NEBL: variants seen among roughly 807,000 people sequenced by gnomAD.
NEBL encodes the protein nebulette, also known as LIM and SH3 protein 2.
NEBL carries 122 observed loss-of-function variants against 140.2 expected under a neutral mutation model. The ratio of observed to expected loss-of-function variants is 0.87; its 90% CI spans 0.75 to 1.01. The LOEUF is 1.01. NEBL is among the 50% of genes least tolerant of loss of function. The probability of loss-of-function intolerance (pLI) is 0.00; values close to 1 mark genes in which losing one functional copy is unlikely to be tolerated. For missense variants in NEBL, 1,365 were observed against 1,231.3 expected, an observed-to-expected ratio of 1.11 and a Z score of -1.62; for synonymous variants, 436 against 398.9, an observed-to-expected ratio of 1.09 and a Z score of -1.11.
chr10:21,225,074 T>C (rs1842125640), intron 3 of NEBL, among the ~76,000 whole-genome samples: 1 of 152,202 alleles, frequency 6.6e-6, no homozygotes, highest in Admixed American at 6.5e-5. Context: ...ATCCTTGTCA[T>C]GTTCCAGATC....
intron 20 of NEBL, chr10:20,818,997 T>C (rs955767940): frequency 1.0e-6 from 1 of 978,198 alleles, no homozygotes; most frequent in Non-Finnish European, 1.2e-6. Flanking sequence ...ATGCTGCATG[T>C]ACATATTCAC....
At chr10:20,872,664 G>T (rs930761279) in intron 5 of NEBL, among the ~76,000 whole-genome samples, 4 of 152,120 alleles carry the variant, frequency 2.6e-5, no homozygotes, top group Non-Finnish European at 5.9e-5. Context: ...GTTGGCAAAA[G>T]ATACATGTCA....
At chr10:21,056,372 C>T (rs940218715) in intron 2 of NEBL, among the ~76,000 whole-genome samples, 1 of 151,684 alleles carries the variant, frequency 6.6e-6, no homozygotes, top group Admixed American at 6.6e-5. Flanking sequence ...TCAGGAGTTA[C>T]TAAATTTGCG....
chr10:20,984,231 G>A (rs957418414), intron 3 of NEBL, among the ~76,000 whole-genome samples: 5 of 151,842 alleles, frequency 3.3e-5, no homozygotes, highest in South Asian at 4.2e-4. Flanking sequence ...ATGCTACATT[G>A]ATTTCCACCA....
intron 3 of NEBL, among the ~76,000 whole-genome samples, chr10:20,981,929 A>G (rs1048883638): frequency 3.9e-5 from 6 of 152,178 alleles, no homozygotes; most frequent in African/African-American, 1.4e-4. Context: ...GCCAATGACA[A>G]TTGGAGTTGA....
At chr10:21,224,636 T>C (rs1443852577) in intron 3 of NEBL, among the ~76,000 whole-genome samples, 1 of 152,228 alleles carries the variant, frequency 6.6e-6, no homozygotes, top group Non-Finnish European at 1.5e-5. Context: ...AATCCATGAA[T>C]ATGGAATATC....
chr10:20,922,701 C>G (rs1833653285), intron 4 of NEBL, among the ~76,000 whole-genome samples: 1 of 152,194 alleles, frequency 6.6e-6, no homozygotes, highest in South Asian at 2.1e-4. Context: ...GAATGCAGCC[C>G]AGCATGGGTG....
chr10:21,099,158 G>C (rs921999651), intron 2 of NEBL, among the ~76,000 whole-genome samples: 1 of 152,134 alleles, frequency 6.6e-6, no homozygotes, highest in African/African-American at 2.4e-5. Context: ...AATCAAAACA[G>C]AGTGAAGCAT....
rs41277376 is a variant in NEBL, at chr10:20,889,960, G to T, written c.154-11C>A. ...TTCTTTATAACGGATCTAAAAAAGA[G>T]AATGATTTACATAAGAAGAGAAAAA... On this transcript the variant is annotated splice_polypyrimidine_tract_variant and intron_variant, in intron 2 of 27. Coordinates refer to ENST00000377122, the MANE Select transcript of NEBL (RefSeq NM_006393.3). 7,942 of 1,516,648 alleles carry T rather than the reference G, an allele frequency of 5.2e-3. 32 individuals are homozygous for T. The highest frequency in any genetic ancestry group is 6.7e-3 in the Non-Finnish European group (7,322 of 1,095,276). The allele number at this position is 1,516,648 out of a possible 1,614,324, so 93.9% of individuals were successfully genotyped here. A position where few individuals can be genotyped will look rare whatever the true frequency, so the allele number is the denominator to read the frequency against.
At chr10:20,808,975 T>A (rs937421120) in intron 25 of NEBL, among the ~76,000 whole-genome samples, 7 of 152,200 alleles carry the variant, frequency 4.6e-5, no homozygotes, top group African/African-American at 1.2e-4. Context: ...TTTCAATAAT[T>A]CCTTTAAACT....
intron 2 of NEBL, among the ~76,000 whole-genome samples, chr10:20,893,972 T>A (rs1481534877): frequency 1.3e-5 from 2 of 152,214 alleles, no homozygotes; most frequent in African/African-American, 2.4e-5. Context: ...AAACTCTTCA[T>A]AGCATCATAA....
Position 20,792,166 on chromosome 10 carries a change from T to C in NEBL, c.2762-4858A>G, listed in dbSNP as rs1056248848. Among the ~76,000 whole-genome samples, 3 of 143,922 alleles carry C rather than the reference T, an allele frequency of 2.1e-5. No individual in the cohort carries two copies. The East Asian group carries it at 6.0e-4, about 29-fold the overall frequency. 94.4% of individuals were successfully genotyped at this position (143,922 alleles called of 152,430 possible). A position where few individuals can be genotyped will look rare whatever the true frequency, so the allele number is the denominator to read the frequency against. On this transcript the variant is annotated intron_variant, in intron 26 of 27. Coordinates refer to ENST00000377122, the MANE Select transcript of NEBL (RefSeq NM_006393.3). ...AGAAAGAAAAAGAAAAAGAAAAAAA[T>C]GGTACTTTAACTATAGATGTAATGT...
At chr10:21,144,251 A>C (rs547632094) in intron 2 of NEBL, among the ~76,000 whole-genome samples, 1 of 152,336 alleles carries the variant, frequency 6.6e-6, no homozygotes, top group East Asian at 1.9e-4. Context: ...AGGATTAGGT[A>C]ACACCTGCAG....
At chr10:21,103,286 C>T (rs371335098) in intron 2 of NEBL, among the ~76,000 whole-genome samples, 16 of 151,280 alleles carry the variant, frequency 1.1e-4, no homozygotes, top group Admixed American at 5.3e-4. Context: ...CAATCTCGGC[C>T]CACTGCAAGC....
intron 4 of NEBL, among the ~76,000 whole-genome samples, chr10:20,919,139 A>T (rs1007094681): frequency 1.1e-4 from 16 of 152,204 alleles, no homozygotes; most frequent in Non-Finnish European, 1.0e-4. Flanking sequence ...AAACTAAAAA[A>T]AATATTTTGT....
chr10:20,929,746 A>G (rs1398106265), intron 4 of NEBL, among the ~76,000 whole-genome samples: 1 of 142,814 alleles, frequency 7.0e-6, no homozygotes, highest in Non-Finnish European at 1.5e-5. Context: ...AGAGACTTGG[A>G]AAGTGGGGAG....
At chr10:21,132,704 T>A (rs1239536389) in intron 2 of NEBL, among the ~76,000 whole-genome samples, 1 of 152,240 alleles carries the variant, frequency 6.6e-6, no homozygotes, top group African/African-American at 2.4e-5. Flanking sequence ...TGTCTCATTG[T>A]GGTTTTGATT....
At chr10:21,100,707 C>T (rs1837440470) in intron 2 of NEBL, among the ~76,000 whole-genome samples, 2 of 152,114 alleles carry the variant, frequency 1.3e-5, no homozygotes, top group South Asian at 4.1e-4. Flanking sequence ...TTTGGGTTTC[C>T]AGGATTGGTT....
At chr10:21,070,281 T>C (rs1297638612) in intron 2 of NEBL, among the ~76,000 whole-genome samples, 1 of 152,160 alleles carries the variant, frequency 6.6e-6, no homozygotes, top group Non-Finnish European at 1.5e-5. Context: ...ATCATTTAAG[T>C]AAATCTCTCA....
Sources: allele counts gnomAD v4.1 joint callset (sites outside exome capture counted in the v4.1 genomes callset), GRCh38; gene constraint gnomAD v4.1.1; transcripts MANE v1.5; gene names NCBI Gene and HGNC (gene_info 2026-07-23, HGNC 2026-07-21).